The following SNX29 variants were observed in gnomAD, a reference collection of about 807,000 sequenced individuals.
The protein encoded by SNX29 is sorting nexin 29.
A neutral mutation model predicts 102.1 loss-of-function variants in SNX29; 78 were observed. The ratio of observed to expected loss-of-function variants is 0.76; its 90% CI spans 0.64 to 0.92. The LOEUF is 0.92. Ranked by LOEUF, SNX29 falls within the 40% of genes least tolerant of loss-of-function variation. The probability of loss-of-function intolerance (pLI) is 0.00; values close to 1 mark genes in which losing one functional copy is unlikely to be tolerated. For missense variants in SNX29, 1,280 were observed against 1,061.7 expected, an observed-to-expected ratio of 1.21 and a Z score of -2.86; for synonymous variants, 580 against 414.5, an observed-to-expected ratio of 1.40 and a Z score of -4.85.
chr16:12,564,636 C>A (rs766032366), intron 20 of SNX29, among the ~76,000 whole-genome samples: 1 of 140,524 alleles, frequency 7.1e-6, no homozygotes, highest in Non-Finnish European at 1.5e-5. Flanking sequence ...TTAACAGAGT[C>A]CCTGCTGGGG....
chr16:12,143,390 G>T (rs1034507958), intron 13 of SNX29, among the ~76,000 whole-genome samples: 3 of 150,792 alleles, frequency 2.0e-5, no homozygotes, highest in Non-Finnish European at 3.0e-5. Flanking sequence ...TATGGGGCAG[G>T]TGTGGACTTG....
chr16:12,105,804 A>C (rs1037835692), intron 11 of SNX29, among the ~76,000 whole-genome samples: 3 of 152,074 alleles, frequency 2.0e-5, no homozygotes, highest in African/African-American at 7.2e-5. Context: ...TGGAGTGGAG[A>C]GATTAGCTTG....
intron 15 of SNX29, among the ~76,000 whole-genome samples, chr16:12,324,295 AG>A (rs1471956286): frequency 7.2e-5 from 11 of 152,106 alleles, no homozygotes; most frequent in African/African-American, 2.4e-4. Context: ...AGCAAGTTCC[AG>A]GCCAGTGGTA....
chr16:12,194,385 T>G (rs2076718785), intron 13 of SNX29, among the ~76,000 whole-genome samples: 1 of 152,170 alleles, frequency 6.6e-6, no homozygotes, highest in African/African-American at 2.4e-5. Context: ...TTTTGTCAGT[T>G]CTTGGGATTT....
At chr16:12,483,433 T>G (rs2088069920) in intron 19 of SNX29, among the ~76,000 whole-genome samples, 1 of 151,774 alleles carries the variant, frequency 6.6e-6, no homozygotes, top group Non-Finnish European at 1.5e-5. Flanking sequence ...TTCTGCTGCC[T>G]CAGCCTCCTG....
intron 14 of SNX29, among the ~76,000 whole-genome samples, chr16:12,242,368 T>TATATATATATA (rs1491230065): frequency 8.5e-5 from 10 of 117,126 alleles, no homozygotes; most frequent in African/African-American, 3.4e-4. Flanking sequence ...TATATATATA[T>TATATATATATA]TTTTTTTTTT....
At chr16:12,200,568 C>T (rs576996277) in intron 14 of SNX29, among the ~76,000 whole-genome samples, 4 of 152,154 alleles carry the variant, frequency 2.6e-5, no homozygotes, top group East Asian at 3.9e-4. Context: ...CTGCAACTTC[C>T]GCTTCCTGGG....
intron 20 of SNX29, among the ~76,000 whole-genome samples, chr16:12,565,300 C>T (rs1394570204): frequency 6.6e-6 from 1 of 152,222 alleles, no homozygotes; most frequent in African/African-American, 2.4e-5. Context: ...CACCAGCACT[C>T]TCCATTCAAG....
chr16:12,494,081 A>G (rs2088685846), intron 19 of SNX29, among the ~76,000 whole-genome samples: 1 of 152,116 alleles, frequency 6.6e-6, no homozygotes. Context: ...TCCTTTGTCT[A>G]CAAAGATAGA....
In SNX29 at chr16:12,568,397, C is replaced by G. The variant is rs963156859; in HGVS notation, c.2319-109C>G. The G allele has an allele frequency of 5.6e-6, 8 of 1,433,254 alleles. No homozygotes were observed. In the African/African-American group the frequency reaches 1.1e-4, roughly 20 times the overall value. 88.8% of individuals were successfully genotyped at this position (1,433,254 alleles called of 1,614,324 possible). On this transcript the variant is annotated intron_variant, in intron 20 of 20. Transcript: ENST00000566228. ...AGAGGCAGATCCAATGAGCCAGTCA[C>G]AGTTGCCAATCAGATCCCTCCTGCC...
chr16:12,310,705 G>T (rs1037222005), intron 15 of SNX29, among the ~76,000 whole-genome samples: 20 of 152,132 alleles, frequency 1.3e-4, no homozygotes, highest in Admixed American at 1.2e-3. Context: ...GTCTTGTGAT[G>T]GGGGTTTCAC....
At chr16:12,406,181 C>A (rs572960961) in intron 18 of SNX29, among the ~76,000 whole-genome samples, 23 of 151,882 alleles carry the variant, frequency 1.5e-4, no homozygotes. Flanking sequence ...AAGGAAAAAG[C>A]GGAAAGCATA....
chr16:12,319,385 T>C (rs984820947), intron 15 of SNX29, among the ~76,000 whole-genome samples: 1 of 152,088 alleles, frequency 6.6e-6, no homozygotes, highest in Non-Finnish European at 1.5e-5. Flanking sequence ...TTCCAGCTAC[T>C]GGGGAGGCTG....
chr16:12,258,567 G>C (rs1299335336), intron 14 of SNX29, among the ~76,000 whole-genome samples: 1 of 152,168 alleles, frequency 6.6e-6, no homozygotes, highest in East Asian at 1.9e-4. Context: ...CCAGATGTAA[G>C]TGCTCAGCAG....
chr16:12,261,994 C>T lies in SNX29; in HGVS notation c.1679-15939C>T, dbSNP rs552545665. Among the ~76,000 whole-genome samples, 199 of 143,260 alleles carry T rather than the reference C, an allele frequency of 1.4e-3. 4 individuals carry two copies. The highest frequency in any genetic ancestry group is 5.1e-3 in the African/African-American group (189 of 37,198). 94.0% of individuals were successfully genotyped at this position (143,260 alleles called of 152,430 possible). ...GCTGAGCTCGGGTCTGTGTGCACGTCCCCGGCTGGAGTGAGTGTTTGCTGA... is the reference window on the plus strand; with the variant it reads ...GCTGAGCTCGGGTCTGTGTGCACGTTCCCGGCTGGAGTGAGTGTTTGCTGA... On this transcript the variant is annotated intron_variant, in intron 14 of 20. Coordinates refer to ENST00000566228, the MANE Select transcript of SNX29 (RefSeq NM_032167.5).
chr16:12,212,816 C>T (rs1204988915), intron 14 of SNX29, among the ~76,000 whole-genome samples: 1 of 152,108 alleles, frequency 6.6e-6, no homozygotes, highest in Non-Finnish European at 1.5e-5. Context: ...TCATACAATA[C>T]TACTCAGTCA....
At chr16:12,561,474 G>C (rs895909937) in intron 20 of SNX29, among the ~76,000 whole-genome samples, 1 of 152,138 alleles carries the variant, frequency 6.6e-6, no homozygotes, top group African/African-American at 2.4e-5. Context: ...AGTAAGTGGA[G>C]TATTGACCGG....
At chr16:12,049,618 C>T (rs1489291302) in intron 7 of SNX29, among the ~76,000 whole-genome samples, 2 of 151,986 alleles carry the variant, frequency 1.3e-5, no homozygotes, top group East Asian at 1.9e-4. Context: ...CAGGCGTGAG[C>T]CACTGTGCCC....
At chr16:12,130,247 T>G (rs957724121) in intron 13 of SNX29, among the ~76,000 whole-genome samples, 1 of 145,790 alleles carries the variant, frequency 6.9e-6, no homozygotes, top group Non-Finnish European at 1.5e-5. Context: ...GAGGCCGAGG[T>G]GGGTGGATCA....
Sources: gnomAD v4.1 joint callset for allele counts (sites outside exome capture counted in the v4.1 genomes callset) on GRCh38, gnomAD v4.1.1 for gene constraint, MANE v1.5 for transcripts, NCBI Gene and HGNC (gene_info 2026-07-23, HGNC 2026-07-21) for gene names.